Variants in SLC35D4 observed in about 807,000 individuals in gnomAD.
SLC35D4 encodes UDP-N-acetylglucosamine transporter SLC35D4.
At chr18:23,363,364 ATTTTTTTTTTTTTTTTT>A in the SLC35D4 span, among the ~76,000 whole-genome samples, 14 of 90,460 alleles carry the variant, frequency 1.5e-4, no homozygotes, top group African/African-American at 5.6e-4. Context: ...ACAAAAGCAC[ATTTTTTTTTTTTTTTTT>A]TTTTTTTTTT....
chr18:23,351,675 C>A, the SLC35D4 span, among the ~76,000 whole-genome samples: 1 of 152,128 alleles, frequency 6.6e-6, no homozygotes, highest in African/African-American at 2.4e-5. Context: ...ATGAAACGTG[C>A]CAACAGAAGT....
At chr18:23,290,854 T>A in the SLC35D4 span, among the ~76,000 whole-genome samples, 1 of 151,492 alleles carries the variant, frequency 6.6e-6, no homozygotes, top group East Asian at 1.9e-4. Context: ...GCCAGGCTGG[T>A]CTCGAACTCC....
At chr18:23,249,179 G>A in the SLC35D4 span, among the ~76,000 whole-genome samples, 3 of 152,246 alleles carry the variant, frequency 2.0e-5, no homozygotes, top group Non-Finnish European at 4.4e-5. Flanking sequence ...TCACATATCA[G>A]AGCATCCAAT....
the SLC35D4 span, chr18:23,253,884 CAG>C: frequency 6.2e-7 from 1 of 1,614,186 alleles, no homozygotes; most frequent in Non-Finnish European, 8.5e-7. Context: ...GTGCTGTTAG[CAG>C]CCAAAATTGG....
the SLC35D4 span, among the ~76,000 whole-genome samples, chr18:23,399,235 G>A: frequency 2.6e-5 from 4 of 152,190 alleles, no homozygotes; most frequent in Non-Finnish European, 5.9e-5. Context: ...CTGCCTCCCT[G>A]CTCCTGTGGA....
At chr18:23,268,676 C>T in the SLC35D4 span, among the ~76,000 whole-genome samples, 2 of 152,144 alleles carry the variant, frequency 1.3e-5, no homozygotes, top group East Asian at 3.9e-4. Flanking sequence ...GGCAGCAGGA[C>T]TAGGATGGGA....
the SLC35D4 span, among the ~76,000 whole-genome samples, chr18:23,436,284 T>C: frequency 6.7e-6 from 1 of 150,146 alleles, no homozygotes; most frequent in Non-Finnish European, 1.5e-5. Flanking sequence ...CGCCTCGGCC[T>C]CCCAAAGTGC....
the SLC35D4 span, among the ~76,000 whole-genome samples, chr18:23,266,987 C>T: frequency 9.8e-4 from 149 of 151,614 alleles, 1 homozygote; most frequent in Non-Finnish European, 1.6e-3. Flanking sequence ...AGGCCCCCCA[C>T]TCCAGGGCAG....
At chr18:23,327,497 C>A in the SLC35D4 span, among the ~76,000 whole-genome samples, 3 of 152,060 alleles carry the variant, frequency 2.0e-5, no homozygotes, top group African/African-American at 7.2e-5. Flanking sequence ...AAGACTAAAC[C>A]AGGAAGAAGT....
At chr18:23,405,344 C>T in the SLC35D4 span, among the ~76,000 whole-genome samples, 18 of 152,222 alleles carry the variant, frequency 1.2e-4, no homozygotes, top group African/African-American at 4.1e-4. Context: ...CCCACTACCA[C>T]GCCTGGCTAA....
the SLC35D4 span, among the ~76,000 whole-genome samples, chr18:23,304,722 G>T: frequency 6.6e-6 from 1 of 152,078 alleles, no homozygotes; most frequent in African/African-American, 2.4e-5. Flanking sequence ...AGGAAGATTA[G>T]CTCCCTGCTT....
the SLC35D4 span, among the ~76,000 whole-genome samples, chr18:23,387,802 G>A: frequency 6.6e-6 from 1 of 151,782 alleles, no homozygotes; most frequent in Non-Finnish European, 1.5e-5. Context: ...TTTTAAAATA[G>A]AACTATTTTA....
chr18:23,261,141 C>T, the SLC35D4 span, among the ~76,000 whole-genome samples: 2 of 152,228 alleles, frequency 1.3e-5, no homozygotes, highest in Non-Finnish European at 2.9e-5. Context: ...TTCTTGACTT[C>T]AGATGACACA....
the SLC35D4 span, among the ~76,000 whole-genome samples, chr18:23,251,625 G>A: frequency 1.3e-5 from 2 of 152,180 alleles, no homozygotes; most frequent in Non-Finnish European, 2.9e-5. Context: ...ATTCAGAAAG[G>A]ACTCCAAGGA....
chr18:23,332,486 T>C, the SLC35D4 span, among the ~76,000 whole-genome samples: 2 of 152,228 alleles, frequency 1.3e-5, no homozygotes, highest in African/African-American at 4.8e-5. Flanking sequence ...TCACCAACAT[T>C]TGGTATTGTC....
At chr18:23,433,446 A>G in the SLC35D4 span, among the ~76,000 whole-genome samples, 1 of 152,220 alleles carries the variant, frequency 6.6e-6, no homozygotes, top group Non-Finnish European at 1.5e-5. Context: ...CTTGTCCAGA[A>G]CAGAAATGAA....
chr18:23,299,332 T>C, the SLC35D4 span, among the ~76,000 whole-genome samples: 1 of 152,204 alleles, frequency 6.6e-6, no homozygotes, highest in Non-Finnish European at 1.5e-5. Context: ...TCCAGCCGAC[T>C]GCCCTCTGAG....
At chr18:23,365,404 CTG>C in the SLC35D4 span, among the ~76,000 whole-genome samples, 2 of 152,160 alleles carry the variant, frequency 1.3e-5, no homozygotes, top group Non-Finnish European at 2.9e-5. Flanking sequence ...GTCTGTATAT[CTG>C]AGATCATACT....
At chr18:23,270,568 G>T in the SLC35D4 span, among the ~76,000 whole-genome samples, 1 of 152,196 alleles carries the variant, frequency 6.6e-6, no homozygotes, top group African/African-American at 2.4e-5. Flanking sequence ...TGGAAAAACT[G>T]CAGACAATGC....
Sources: gnomAD v4.1 joint callset for allele counts (sites outside exome capture counted in the v4.1 genomes callset) on GRCh38, gnomAD v4.1.1 for gene constraint, MANE v1.5 for transcripts, NCBI Gene and HGNC (gene_info 2026-07-23, HGNC 2026-07-21) for gene names.